Variants in XPNPEP3 observed in about 807,000 individuals in gnomAD.
XPNPEP3 encodes X-prolyl aminopeptidase 3, also known as xaa-Pro aminopeptidase 3.
XPNPEP3 carries 41 observed loss-of-function variants against 60.0 expected under a neutral mutation model. The observed-to-expected ratio is 0.68, with a 90% CI of 0.53 to 0.89. The LOEUF is 0.89. XPNPEP3 is among the 40% of genes least tolerant of loss of function. XPNPEP3 has a pLI of 0.00. For synonymous variants in XPNPEP3, 212 were observed against 223.2 expected, an observed-to-expected ratio of 0.95 and a Z score of 0.45; for missense variants, 598 against 638.9, an observed-to-expected ratio of 0.94 and a Z score of 0.69.
At chr22:40,924,193 G>T (rs933740448) in intron 8 of XPNPEP3, among the ~76,000 whole-genome samples, 169 bp from the exon 9 acceptor site, 3 of 152,146 alleles carry the variant, frequency 2.0e-5, no homozygotes, top group Admixed American at 6.6e-5. Context: ...TTGCATGTAA[G>T]AGGTCGCAGT....
chr22:40,887,003 A>G (rs1376459129), intron 4 of XPNPEP3, among the ~76,000 whole-genome samples: 1 of 152,110 alleles, frequency 6.6e-6, no homozygotes, highest in Non-Finnish European at 1.5e-5. Flanking sequence ...TGCAAGACAA[A>G]GTAAATCTGC....
chr22:40,857,265 G>T lies in XPNPEP3; in HGVS notation c.64+20G>T. Reference sequence around the variant, plus strand: ...TCTCAGGTTAGACTCTTCTCCCACGGTCTCCTCCCATGGTGTCCCCTGGAG... The same window carrying T: ...TCTCAGGTTAGACTCTTCTCCCACGTTCTCCTCCCATGGTGTCCCCTGGAG... On this transcript the variant is annotated intron_variant, in intron 1 of 9. Transcript: ENST00000357137. 6.2e-7 allele frequency: 1 copy of T among 1,613,832 alleles called. No homozygotes were observed. The highest frequency in any genetic ancestry group is 8.5e-7 in the Non-Finnish European group (1 of 1,179,876).
rs1311470105 is a variant in XPNPEP3, at chr22:40,930,750, G to T, written c.*4315G>T. On this transcript the variant is annotated 3_prime_UTR_variant, in exon 10 of 10. Transcript: ENST00000357137. ...ACACCCAATTTTTGTATTTTTAGTA[G>T]AGACGGGGTTTCACCATCTTGGCCA... is the stretch of plus-strand genomic sequence containing the variant. 1 of 151,404 alleles carries T rather than the reference G, an allele frequency of 6.6e-6. No individual in the cohort carries two copies. The highest frequency in any genetic ancestry group is 1.5e-5 in the Non-Finnish European group (1 of 67,954). The allele number at this position is 151,404 out of a possible 1,614,324, so 9.4% of individuals were successfully genotyped here. A position where few individuals can be genotyped will look rare whatever the true frequency, so the allele number is the denominator to read the frequency against.
intron 6 of XPNPEP3, 37 bp from the exon 7 acceptor site, chr22:40,914,202 G>T: frequency 2.0e-6 from 3 of 1,486,274 alleles, no homozygotes; most frequent in Non-Finnish European, 2.8e-6. Flanking sequence ...TTATAATCAT[G>T]AGCTTATCCA....
chr22:40,895,912 C>T (rs926860320), intron 4 of XPNPEP3, among the ~76,000 whole-genome samples: 1 of 152,158 alleles, frequency 6.6e-6, no homozygotes, highest in African/African-American at 2.4e-5. Flanking sequence ...GGCCATTTTA[C>T]TCACACATTT....
chr22:40,903,242 A>C (rs1601512301), intron 4 of XPNPEP3, among the ~76,000 whole-genome samples: 1 of 152,230 alleles, frequency 6.6e-6, no homozygotes, highest in Non-Finnish European at 1.5e-5. Flanking sequence ...GCATAATAGC[A>C]CACAAACATT....
At chr22:40,902,705 A>G (rs557309462) in intron 4 of XPNPEP3, among the ~76,000 whole-genome samples, 1 of 152,336 alleles carries the variant, frequency 6.6e-6, no homozygotes, top group Middle Eastern at 3.4e-3. Context: ...TCTAAGTGGC[A>G]GTTAAATAGA....
At chr22:40,914,159 A>G in intron 6 of XPNPEP3, 80 bp from the exon 7 acceptor site, 2 of 1,271,600 alleles carry the variant, frequency 1.6e-6, no homozygotes, top group Non-Finnish European at 2.3e-6. Context: ...AAAAAAAAAA[A>G]AGAAAGGCAT....
At chr22:40,861,222 G>T (rs771471930) in intron 1 of XPNPEP3, 7 of 1,614,058 alleles carry the variant, frequency 4.3e-6, no homozygotes, top group Non-Finnish European at 5.9e-6. Context: ...AGTATATTGA[G>T]ATACATGTTT....
At chr22:40,888,832 C>A (rs139923) in intron 4 of XPNPEP3, among the ~76,000 whole-genome samples, 4,614 of 152,224 alleles carry the variant, frequency 0.03, 225 homozygotes, top group African/African-American at 0.11. Context: ...CACATTCCCA[C>A]TAGCAACGCA....
chr22:40,870,290 G>A, intron 2 of XPNPEP3: 1 of 290,550 alleles, frequency 3.4e-6, no homozygotes, highest in Non-Finnish European at 6.8e-6. Flanking sequence ...ATTTTTACAT[G>A]GTAAGCTGCA....
Position 40,885,027 on chromosome 22 carries a change from C to CA in XPNPEP3, c.590-1272dup, listed in dbSNP as rs760016473. ...TGGGTGACAGAGCAAGACTACGTCT[C>CA]AAAAAAAAAAAAAATTACACGACAA... is the stretch of plus-strand genomic sequence containing the variant. On this transcript the variant is annotated intron_variant, in intron 3 of 9. Coordinates refer to ENST00000357137, the MANE Select transcript of XPNPEP3 (RefSeq NM_022098.4). Among the ~76,000 whole-genome samples the CA allele has an allele frequency of 5.1e-3, 614 of 121,320 alleles. 1 individual carries two copies. The highest frequency in any genetic ancestry group is 0.013 in the African/African-American group (412 of 32,636). The allele number at this position is 121,320 out of a possible 152,430, so 79.6% of individuals were successfully genotyped here. A position where few individuals can be genotyped will look rare whatever the true frequency, so the allele number is the denominator to read the frequency against.
intron 4 of XPNPEP3, among the ~76,000 whole-genome samples, chr22:40,893,824 C>T (rs1336894862): frequency 6.6e-6 from 1 of 152,136 alleles, no homozygotes; most frequent in Non-Finnish European, 1.5e-5. Flanking sequence ...CCATATTGGT[C>T]AGGCTGATCT....
intron 3 of XPNPEP3, 107 bp from the exon 4 acceptor site, chr22:40,886,206 G>A (rs1013460468): frequency 1.2e-5 from 13 of 1,122,242 alleles, no homozygotes; most frequent in South Asian, 6.2e-5. Context: ...AGAGTTCCAC[G>A]TTACAGGTTT....
chr22:40,864,157 A>C (rs1195129849), intron 1 of XPNPEP3, among the ~76,000 whole-genome samples: 1 of 152,238 alleles, frequency 6.6e-6, no homozygotes, highest in East Asian at 1.9e-4. Context: ...TTATTTCTTG[A>C]TTATATCCTA....
chr22:40,858,014 A>T (rs1453464207), intron 1 of XPNPEP3, among the ~76,000 whole-genome samples: 1 of 152,216 alleles, frequency 6.6e-6, no homozygotes, highest in Non-Finnish European at 1.5e-5. Flanking sequence ...ATAAAAAGTT[A>T]TTGTCCAGTG....
chr22:40,901,586 C>G (rs2058133397), intron 4 of XPNPEP3, among the ~76,000 whole-genome samples: 1 of 152,100 alleles, frequency 6.6e-6, no homozygotes, highest in Non-Finnish European at 1.5e-5. Flanking sequence ...GTGGCTCATG[C>G]CTGTAGGCCC....
chr22:40,930,210 A>G lies in XPNPEP3; in HGVS notation c.*3775A>G, dbSNP rs896799094. 13 of 150,618 alleles carry G rather than the reference A, an allele frequency of 8.6e-5. No individual in the cohort carries two copies. The highest frequency in any genetic ancestry group is 2.7e-4 in the African/African-American group (11 of 40,888). The allele number at this position is 150,618 out of a possible 1,614,324, so 9.3% of individuals were successfully genotyped here. ...AGTGGCACGATCTTGGCTCACTGCA[A>G]CCTCCATCTCCCGGGTTCAGGCAAT... On this transcript the variant is annotated 3_prime_UTR_variant, in exon 10 of 10. Coordinates refer to ENST00000357137, the MANE Select transcript of XPNPEP3 (RefSeq NM_022098.4).
At chr22:40,867,948 A>C (rs900997328) in intron 1 of XPNPEP3, among the ~76,000 whole-genome samples, 8 of 151,876 alleles carry the variant, frequency 5.3e-5, no homozygotes, top group South Asian at 4.1e-4. Flanking sequence ...AAAAAAAAAA[A>C]AAAAAACCCA....
Sources: gnomAD v4.1 joint callset for allele counts (sites outside exome capture counted in the v4.1 genomes callset) on GRCh38, gnomAD v4.1.1 for gene constraint, MANE v1.5 for transcripts, NCBI Gene and HGNC (gene_info 2026-07-23, HGNC 2026-07-21) for gene names.